DNAH2: variants seen among roughly 807,000 people sequenced by gnomAD.
DNAH2 encodes axonemal beta dynein heavy chain 2.
In DNAH2, 323 loss-of-function variants were observed where a neutral mutation model predicts 523.5. The ratio of observed to expected loss-of-function variants is 0.62; its 90% CI spans 0.56 to 0.68. The LOEUF (loss-of-function observed/expected upper bound fraction) is 0.68, where lower values mean the gene tolerates loss of function less well. DNAH2 is among the 30% of genes least tolerant of loss of function. The pLI, the probability that DNAH2 is intolerant of heterozygous loss-of-function variation, is 0.00. For missense variants in DNAH2, 4,907 were observed against 5,701.5 expected (o/e 0.86, Z 4.49); for synonymous variants, 2,093 against 2,177.4 (o/e 0.96, Z 1.08).
At position 7,776,859 on chromosome 17, in the gene DNAH2, G is replaced by T; in HGVS notation, c.5028G>T (p.Lys1676Asn). ...TGACAGCGAAGGAGCGGGCAGACAA[G>T]AAAATCCTCAAGGTCATGAAGAAGA... ...CLLTAKERAD[K>N]KILKVMKKNQ... is the part of the protein sequence containing the mutation. Residue 1676 changes from lysine to asparagine, a missense_variant, in exon 32 of 86, where the codon AAG becomes AAT. Transcript: ENST00000572933. 1 of 1,612,202 alleles carries T rather than the reference G, an allele frequency of 6.2e-7. No homozygotes were observed. The highest frequency in any genetic ancestry group is 1.1e-5 in the South Asian group (1 of 91,010).
Position 7,831,332 on chromosome 17 carries a change from T to G in DNAH2, c.12459+18T>G. On this transcript the variant is annotated intron_variant, in intron 80 of 85. Coordinates refer to ENST00000572933, the MANE Select transcript of DNAH2 (RefSeq NM_020877.5). The surrounding 1 kb of genome is among the most constrained non-coding windows in gnomAD (Gnocchi z 4.2). ...AAGAGAAGGTAAAAAGAGCCGGGCC[T>G]GGGGGAGGGAAAGTGATGAGAAGAG... The G allele has an allele frequency of 6.2e-7, 1 of 1,613,778 alleles. No individual in the cohort carries two copies. The highest frequency in any genetic ancestry group is 8.5e-7 in the Non-Finnish European group (1 of 1,179,916).
At position 7,832,973 on chromosome 17, in the gene DNAH2, G is replaced by A. The variant is rs745324762; in HGVS notation, c.12978+45G>A. Reference sequence around the variant, plus strand: ...GGGGCTCTGAGCAAAAGAGGGTACTGGAAATAATTGGACGAAAAGGGAGGA... The same window carrying A: ...GGGGCTCTGAGCAAAAGAGGGTACTAGAAATAATTGGACGAAAAGGGAGGA... On this transcript the variant is annotated intron_variant, in intron 84 of 85. Transcript: ENST00000572933. The surrounding 1 kb of genome is among the most constrained non-coding windows in gnomAD (Gnocchi z 4.3). 5.0e-6 allele frequency: 8 copies of A among 1,613,932 alleles called. No homozygotes were observed. Among genetic ancestry groups the A allele is most frequent in the South Asian group, 2.2e-5 (2 of 91,078 alleles).
intron 49 of DNAH2, 56 bp downstream of exon 49, chr17:7,794,414 T>C: frequency 6.7e-7 from 1 of 1,501,410 alleles, no homozygotes; most frequent in Non-Finnish European, 9.1e-7. Flanking sequence ...GAAACGTGTC[T>C]GTCTCAGAGA....
rs1194838121 is a variant in DNAH2 at position 7,760,835 on chromosome 17, A to G, written c.2881A>G (p.Met961Val). ...LLQNYLKTWD[M>V]YREIWEINKD... Reference sequence around the variant, plus strand: ...GCAGAACTACCTCAAGACCTGGGACATGTACCGGGAGATCTGGGAGATCAA... The same window carrying G: ...GCAGAACTACCTCAAGACCTGGGACGTGTACCGGGAGATCTGGGAGATCAA... Residue 961 changes from methionine (M) to valine (V), a missense_variant, in exon 18 of 86, where the codon ATG becomes GTG. Coordinates refer to ENST00000572933, the MANE Select transcript of DNAH2 (RefSeq NM_020877.5). The surrounding 1 kb of genome is among the most constrained non-coding windows in gnomAD (Gnocchi z 4.0). The G allele has an allele frequency of 6.2e-7, 1 of 1,614,236 alleles. No individual in the cohort carries two copies. The highest frequency in any genetic ancestry group is 1.1e-5 in the South Asian group (1 of 91,092).
At chr17:7,792,540 A>T in intron 46 of DNAH2, 117 bp from the exon 47 acceptor site, 1 of 1,009,930 alleles carries the variant, frequency 9.9e-7, no homozygotes, top group Non-Finnish European at 1.5e-6. Context: ...CATGATCCCC[A>T]GGCCCCACAG....
chr17:7,786,937 C>G lies in DNAH2; in HGVS notation c.6507C>G (p.Pro2169=), dbSNP rs142996474. 6.2e-7 allele frequency: 1 copy of G among 1,614,232 alleles called. No individual in the cohort carries two copies. Among genetic ancestry groups the G allele is most frequent in the Non-Finnish European group, 8.5e-7 (1 of 1,180,046 alleles). ...AGAAGTGGATCCTGTTCGATGGCCC[C>G]GTGGACACACTGTGGATCGAGAACA... ...PDEKWILFDG[P]VDTLWIENMN... The change falls in exon 42 of 86, where the codon CCC becomes CCG. Residue 2169 remains proline, a synonymous_variant. Coordinates refer to ENST00000572933, the MANE Select transcript of DNAH2 (RefSeq NM_020877.5). The surrounding 1 kb of genome is among the most constrained non-coding windows in gnomAD (Gnocchi z 7.5).
intron 2 of DNAH2, among the ~76,000 whole-genome samples, chr17:7,723,268 CTTTTTTTTTT>C (rs58689789): frequency 1.7e-5 from 1 of 59,914 alleles, no homozygotes; most frequent in Admixed American, 2.8e-4. Context: ...CTGTACCCGG[CTTTTTTTTTT>C]TTTTTTTTTT....
intron 12 of DNAH2, among the ~76,000 whole-genome samples, chr17:7,756,299 A>G (rs1170812643): frequency 6.6e-6 from 1 of 151,782 alleles, no homozygotes; most frequent in Non-Finnish European, 1.5e-5. Context: ...ATTTTGAGAC[A>G]GAATCTAGCT....
intron 49 of DNAH2, among the ~76,000 whole-genome samples, chr17:7,795,645 G>T (rs537083683): frequency 7.2e-6 from 1 of 139,236 alleles, no homozygotes; most frequent in Admixed American, 8.0e-5. Flanking sequence ...TTGGACACCA[G>T]CTTGAATATA....
At chr17:7,776,942 C>A in intron 32 of DNAH2, 53 bp downstream of exon 32, 1 of 1,471,224 alleles carries the variant, frequency 6.8e-7, no homozygotes, top group Non-Finnish European at 9.4e-7. Context: ...CTTTGGGAGG[C>A]AGAGGTGGTA....
chr17:7,816,980 A>G (rs1314272775), intron 64 of DNAH2, among the ~76,000 whole-genome samples: 10 of 152,200 alleles, frequency 6.6e-5, no homozygotes, highest in Non-Finnish European at 8.8e-5. Context: ...AAGCACACAC[A>G]AGGACTCTTG....
Position 7,793,070 on chromosome 17 carries a change from G to T in DNAH2, c.7434G>T (p.Met2478Ile). The change falls in exon 48 of 86, where the codon ATG (methionine) becomes ATT (isoleucine). Residue 2478 changes from methionine (M) to isoleucine (I), a missense_variant. Met to Ile is a conservative substitution (Grantham distance 10). Around this residue, in one of 3 missense-constraint regions of DNAH2, gnomAD observed 2,806 missense variants for 3,190.8 expected, o/e 0.88. Transcript: ENST00000572933. ...GVYVPFGGKSMITFMDDLNMP... is the reference protein window; with the variant it reads ...GVYVPFGGKSIITFMDDLNMP... Reference sequence around the variant, plus strand: ...ACGTGCCATTCGGGGGCAAAAGCATGATCACCTTTATGGATGACCTAAATA... The same window carrying T: ...ACGTGCCATTCGGGGGCAAAAGCATTATCACCTTTATGGATGACCTAAATA... 6.2e-7 allele frequency: 1 copy of T among 1,614,220 alleles called. No homozygotes were observed.
intron 18 of DNAH2, among the ~76,000 whole-genome samples, 155 bp from the exon 19 acceptor site, chr17:7,763,676 G>A (rs1300105649): frequency 6.6e-6 from 1 of 152,246 alleles, no homozygotes; most frequent in Non-Finnish European, 1.5e-5. Flanking sequence ...CATGGCTGGG[G>A]CAGATTGGAA....
At chr17:7,759,672 A>G in intron 16 of DNAH2, 62 bp downstream of exon 16, 1 of 1,600,192 alleles carries the variant, frequency 6.2e-7, no homozygotes, top group Non-Finnish European at 8.5e-7. Flanking sequence ...AGTTTCCCTT[A>G]ATTCCTAAAC....
At position 7,734,725 on chromosome 17, in the gene DNAH2, A is replaced by G; in HGVS notation, c.978+17A>G. The G allele has an allele frequency of 6.2e-7, 1 of 1,610,498 alleles. No homozygotes were observed. Among genetic ancestry groups the G allele is most frequent in the South Asian group, 1.1e-5 (1 of 90,762 alleles). The stretch of plus-strand genomic sequence containing the variant: ...CAGATCCAGGTTTGTGAGCGAATCA[A>G]AGGATTCAGGCTCAGCAAGAAGTGG... On this transcript the variant is annotated intron_variant, in intron 7 of 85. Transcript: ENST00000572933.
intron 3 of DNAH2, among the ~76,000 whole-genome samples, chr17:7,726,396 T>C (rs2074812488): frequency 6.7e-6 from 1 of 150,280 alleles, no homozygotes; most frequent in Admixed American, 6.6e-5. Context: ...CTCTGACTCC[T>C]GGGTTCAAGC....
Position 7,810,019 on chromosome 17 carries a change from C to T in DNAH2, c.9729+2433C>T, listed in dbSNP as rs986643296. Among the ~76,000 whole-genome samples the T allele has an allele frequency of 8.0e-5, 12 of 150,120 alleles. No individual in the cohort carries two copies. In the South Asian group the frequency reaches 1.1e-3, roughly 13 times the overall value. ...CCTTCCTTTCCTTCCTTCCCTCCCT[C>T]CCTTCCTTCCTTCCTTCCTTTTCTT... On this transcript the variant is annotated intron_variant, in intron 63 of 85. Coordinates refer to ENST00000572933, the MANE Select transcript of DNAH2 (RefSeq NM_020877.5).
chr17:7,794,940 A>G (rs938269582), intron 49 of DNAH2, among the ~76,000 whole-genome samples: 5 of 152,042 alleles, frequency 3.3e-5, no homozygotes, highest in Non-Finnish European at 5.9e-5. Context: ...TTTTCAATAG[A>G]GACAGAGTTT....
At position 7,794,348 on chromosome 17, in the gene DNAH2, C is replaced by T. The variant is rs371034548; in HGVS notation, c.7664C>T (p.Thr2555Ile). Residue 2555 changes from threonine (T) to isoleucine (I), a missense_variant, in exon 49 of 86, where the codon ACC (threonine) becomes ATC (isoleucine). By Grantham distance (89) the Thr-to-Ile change is moderately conservative (BLOSUM62 -1). Around this residue, in one of 3 missense-constraint regions of DNAH2, gnomAD observed 250 missense variants for 371.3 expected, o/e 0.67. Coordinates refer to ENST00000572933, the MANE Select transcript of DNAH2 (RefSeq NM_020877.5). ...AGTCGCTTCAACATTATCAACATGA[C>T]CTTCCCCACAGTGAGGACCTCATGG... ...LRSRFNIINM[T>I]FPTKSQIIRI... is the part of the protein sequence containing the mutation. 4.4e-6 allele frequency: 7 copies of T among 1,608,918 alleles called. No individual in the cohort carries two copies. The African/African-American group carries it at 9.4e-5, about 22-fold the overall frequency.
Sources: allele counts gnomAD v4.1 joint callset (sites outside exome capture counted in the v4.1 genomes callset), GRCh38; gene constraint gnomAD v4.1.1; regional missense constraint gnomAD v4.1.1; non-coding constraint Gnocchi (gnomAD v3.1); transcripts MANE v1.5; gene names NCBI Gene and HGNC (gene_info 2026-07-23, HGNC 2026-07-21).